The following GUCY1A2 variants were observed in gnomAD, a reference collection of about 807,000 sequenced individuals.
The protein encoded by GUCY1A2 is guanylate cyclase 1 soluble subunit alpha 2, also known as guanylate cyclase soluble subunit alpha-2.
A neutral mutation model predicts 63.5 loss-of-function variants in GUCY1A2; 27 were observed. That is an observed-to-expected ratio of 0.43 (90% CI 0.31 to 0.59). The LOEUF is 0.59. Ranked by LOEUF, GUCY1A2 falls within the 20% of genes least tolerant of loss-of-function variation. GUCY1A2 has a pLI of 0.11. For missense variants in GUCY1A2, 768 were observed against 913.3 expected (o/e 0.84, Z 2.05); for synonymous variants, 364 against 343.5 (o/e 1.06, Z -0.66).
intron 4 of GUCY1A2, among the ~76,000 whole-genome samples, chr11:106,933,506 A>G (rs1860633369): frequency 6.6e-6 from 1 of 152,204 alleles, no homozygotes; most frequent in African/African-American, 2.4e-5. Flanking sequence ...GGGACTATAA[A>G]TTAGTTCAGC....
At chr11:106,700,463 GAAATGAGT>G (rs1591235796) in intron 7 of GUCY1A2, among the ~76,000 whole-genome samples, 1 of 152,104 alleles carries the variant, frequency 6.6e-6, no homozygotes, top group African/African-American at 2.4e-5. Flanking sequence ...AAGAAGTATT[GAAATGAGT>G]AGAATATCTC....
chr11:106,820,178 A>G (rs894443934), intron 4 of GUCY1A2, among the ~76,000 whole-genome samples: 1 of 152,206 alleles, frequency 6.6e-6, no homozygotes. Flanking sequence ...GTGCTTTGAA[A>G]TAAAACCAAC....
chr11:106,732,660 G>A (rs1357418510), intron 6 of GUCY1A2, among the ~76,000 whole-genome samples: 1 of 152,140 alleles, frequency 6.6e-6, no homozygotes, highest in Non-Finnish European at 1.5e-5. Context: ...AGTAGAATTG[G>A]ATTTAGTGAA....
At chr11:107,012,981 T>C (rs1025962542) in intron 1 of GUCY1A2, among the ~76,000 whole-genome samples, 3 of 138,764 alleles carry the variant, frequency 2.2e-5, no homozygotes, top group Admixed American at 7.8e-5. Flanking sequence ...GCTCATTTTA[T>C]TTAATATCAA....
At chr11:106,972,516 G>C (rs1265611217) in intron 3 of GUCY1A2, among the ~76,000 whole-genome samples, 1 of 152,038 alleles carries the variant, frequency 6.6e-6, no homozygotes, top group East Asian at 1.9e-4. Flanking sequence ...AGCTGCTAGT[G>C]ATAGCGAAAC....
chr11:106,683,041 G>T lies in GUCY1A2; in HGVS notation c.*4508C>A. On this transcript the variant is annotated 3_prime_UTR_variant, in exon 8 of 8. Coordinates refer to ENST00000526355, the MANE Select transcript of GUCY1A2 (RefSeq NM_000855.3). Reference sequence around the variant, plus strand: ...ACTTACCCATTTAACAATAAATTTTGTTCAATCACATGAACACAATTTATG... The same window carrying T: ...ACTTACCCATTTAACAATAAATTTTTTTCAATCACATGAACACAATTTATG... 4.6e-6 allele frequency: 1 copy of T among 217,292 alleles called. No individual in the cohort carries two copies. The highest frequency in any genetic ancestry group is 9.3e-6 in the Non-Finnish European group (1 of 107,912). The allele number at this position is 217,292 out of a possible 1,614,324, so 13.5% of individuals were successfully genotyped here. A position where few individuals can be genotyped will look rare whatever the true frequency, so the allele number is the denominator to read the frequency against.
At chr11:106,798,992 A>G (rs1864819357) in intron 5 of GUCY1A2, among the ~76,000 whole-genome samples, 2 of 152,234 alleles carry the variant, frequency 1.3e-5, no homozygotes, top group Non-Finnish European at 1.5e-5. Context: ...TGCAGATGAC[A>G]TGATTGTATA....
At chr11:106,758,438 C>T (rs1864010564) in intron 6 of GUCY1A2, among the ~76,000 whole-genome samples, 1 of 152,176 alleles carries the variant, frequency 6.6e-6, no homozygotes, top group African/African-American at 2.4e-5. Flanking sequence ...AAATCCCCCA[C>T]CCCTTACACT....
intron 4 of GUCY1A2, among the ~76,000 whole-genome samples, chr11:106,859,058 A>G (rs1859473975): frequency 6.6e-6 from 1 of 152,016 alleles, no homozygotes; most frequent in Non-Finnish European, 1.5e-5. Flanking sequence ...TTTTGTCATA[A>G]TTTTTAGGGA....
intron 4 of GUCY1A2, among the ~76,000 whole-genome samples, chr11:106,905,294 T>C (rs565948196): frequency 2.0e-5 from 3 of 152,200 alleles, no homozygotes; most frequent in Non-Finnish European, 4.4e-5. Context: ...TCAGACAGTG[T>C]CTTAGTCAGA....
At chr11:106,946,146 T>C (rs1860825407) in intron 3 of GUCY1A2, among the ~76,000 whole-genome samples, 1 of 152,108 alleles carries the variant, frequency 6.6e-6, no homozygotes, top group African/African-American at 2.4e-5. Flanking sequence ...AAAAGTTTCT[T>C]CTTAAGGGGA....
intron 4 of GUCY1A2, among the ~76,000 whole-genome samples, chr11:106,858,689 G>A (rs73553813): frequency 6.6e-6 from 1 of 152,092 alleles, no homozygotes; most frequent in Non-Finnish European, 1.5e-5. Context: ...AAATATGTGA[G>A]AGACAAATTC....
At chr11:106,952,354 T>C (rs1209527124) in intron 3 of GUCY1A2, among the ~76,000 whole-genome samples, 1 of 152,252 alleles carries the variant, frequency 6.6e-6, no homozygotes, top group Non-Finnish European at 1.5e-5. Context: ...ACGATATTGA[T>C]TCTTCCTATC....
chr11:106,972,589 A>G (rs1483677493), intron 3 of GUCY1A2, among the ~76,000 whole-genome samples: 1 of 152,142 alleles, frequency 6.6e-6, no homozygotes, highest in Non-Finnish European at 1.5e-5. Flanking sequence ...ATGTTCTTCC[A>G]GCAAAAAAGA....
chr11:106,809,256 A>G (rs1442510729), intron 5 of GUCY1A2, among the ~76,000 whole-genome samples: 1 of 152,152 alleles, frequency 6.6e-6, no homozygotes, highest in Admixed American at 6.6e-5. Flanking sequence ...ATATAAAAAA[A>G]GCCCTATGCC....
intron 4 of GUCY1A2, among the ~76,000 whole-genome samples, chr11:106,903,407 T>G (rs2156588): frequency 0.73 from 111,602 of 152,024 alleles, 41,426 homozygotes; most frequent in East Asian, 0.86. Context: ...ATATTACATT[T>G]CAGCTTTACA....
chr11:106,996,522 T>C (rs997786991), intron 1 of GUCY1A2, among the ~76,000 whole-genome samples: 1 of 152,196 alleles, frequency 6.6e-6, no homozygotes, highest in Non-Finnish European at 1.5e-5. Context: ...CTTCTAATTA[T>C]GACTTGGTTC....
chr11:106,941,647 T>G (rs1171539876), intron 3 of GUCY1A2, among the ~76,000 whole-genome samples: 1 of 152,224 alleles, frequency 6.6e-6, no homozygotes, highest in Non-Finnish European at 1.5e-5. Context: ...GCTGCTTTCC[T>G]ACCTTTATCA....
intron 4 of GUCY1A2, among the ~76,000 whole-genome samples, chr11:106,847,276 T>C (rs1859288107): frequency 7.0e-6 from 1 of 143,844 alleles, no homozygotes; most frequent in South Asian, 2.2e-4. Flanking sequence ...GTGGTTTTTA[T>C]AAGGATTGTT....
Sources: allele counts gnomAD v4.1 joint callset (sites outside exome capture counted in the v4.1 genomes callset), GRCh38; gene constraint gnomAD v4.1.1; transcripts MANE v1.5; gene names NCBI Gene and HGNC (gene_info 2026-07-23, HGNC 2026-07-21).